MAD1L1: variants seen among roughly 807,000 people sequenced by gnomAD.
The protein encoded by MAD1L1 is mitotic arrest deficient 1 like 1.
MAD1L1 carries 95 observed loss-of-function variants against 96.9 expected under a neutral mutation model. That is an observed-to-expected ratio of 0.98 (90% CI 0.83 to 1.16). MAD1L1 has a LOEUF of 1.16. MAD1L1 is among the 50% of genes most tolerant of loss of function. The probability of loss-of-function intolerance (pLI) is 0.00; values close to 1 mark genes in which losing one functional copy is unlikely to be tolerated. For missense variants in MAD1L1, 1,007 were observed against 954.4 expected, an observed-to-expected ratio of 1.06 and a Z score of -0.73; for synonymous variants, 473 against 396.6, an observed-to-expected ratio of 1.19 and a Z score of -2.29.
chr7:2,194,879 T>C (rs1584519030), intron 10 of MAD1L1, among the ~76,000 whole-genome samples: 2 of 152,096 alleles, frequency 1.3e-5, no homozygotes, highest in South Asian at 2.1e-4. Flanking sequence ...TTCAAGACCA[T>C]CCTGGCCAAC....
chr7:2,157,166 A>C (rs1213461079), intron 10 of MAD1L1, among the ~76,000 whole-genome samples: 1 of 152,190 alleles, frequency 6.6e-6, no homozygotes, highest in African/African-American at 2.4e-5. Context: ...TTTGATATAT[A>C]CTGGAACGTC....
chr7:2,201,668 A>G (rs1398503594), intron 10 of MAD1L1, among the ~76,000 whole-genome samples: 3 of 152,320 alleles, frequency 2.0e-5, no homozygotes, highest in African/African-American at 7.2e-5. Flanking sequence ...CTCCGAGACC[A>G]AGTGATAGCG....
intron 18 of MAD1L1, among the ~76,000 whole-genome samples, chr7:1,820,398 G>C (rs190005839): frequency 2.1e-4 from 32 of 152,276 alleles, no homozygotes; most frequent in African/African-American, 7.7e-4. Flanking sequence ...CCCGAAGCAG[G>C]AGGAGGAAAT....
rs548262983 is a variant in MAD1L1 at position 2,125,959 on chromosome 7, G to A, written c.1073+23193C>T. Among the ~76,000 whole-genome samples, 12 of 152,360 alleles carry A rather than the reference G, an allele frequency of 7.9e-5. No individual in the cohort carries two copies. The East Asian group carries it at 1.7e-3, about 22-fold the overall frequency. ...CCCTGGGCCTCCTCACGTTTACAGC[G>A]CCACAGGTGAGAAAGTGAGTGGGGC... On this transcript the variant is annotated intron_variant, in intron 11 of 18. Coordinates refer to ENST00000265854, the MANE Select transcript of MAD1L1 (RefSeq NM_001013836.2).
intron 3 of MAD1L1, among the ~76,000 whole-genome samples, chr7:2,226,758 G>A (rs965031919): frequency 9.2e-5 from 14 of 152,328 alleles, no homozygotes; most frequent in African/African-American, 3.4e-4. Flanking sequence ...GAGAGGCCAA[G>A]GCGGGTGGAT....
intron 14 of MAD1L1, among the ~76,000 whole-genome samples, chr7:1,985,849 G>A (rs548879804): frequency 3.0e-4 from 46 of 151,878 alleles, no homozygotes; most frequent in African/African-American, 7.0e-4. Flanking sequence ...TGCAACCCCC[G>A]GCCTCACCGT....
intron 11 of MAD1L1, among the ~76,000 whole-genome samples, chr7:2,116,573 G>GA (rs1787709962): frequency 1.3e-5 from 2 of 150,968 alleles, no homozygotes; most frequent in Non-Finnish European, 3.0e-5. Flanking sequence ...GGGTTGGGGG[G>GA]GGGGGGGGCT....
At chr7:1,907,932 C>A (rs1369153431) in intron 17 of MAD1L1, among the ~76,000 whole-genome samples, 1 of 152,190 alleles carries the variant, frequency 6.6e-6, no homozygotes, top group African/African-American at 2.4e-5. Flanking sequence ...AGGGTGACCG[C>A]CCTGGCCCCT....
At chr7:2,113,799 T>C (rs998060035) in intron 11 of MAD1L1, among the ~76,000 whole-genome samples, 1 of 152,116 alleles carries the variant, frequency 6.6e-6, no homozygotes, top group African/African-American at 2.4e-5. Context: ...TGTCCAAAAA[T>C]GCATAGCTTC....
chr7:1,856,750 C>T (rs1320383350), intron 18 of MAD1L1, among the ~76,000 whole-genome samples: 3 of 152,188 alleles, frequency 2.0e-5, no homozygotes, highest in Admixed American at 2.0e-4. Flanking sequence ...AGGGCCCACG[C>T]GCACCCCGCG....
At chr7:2,116,611 T>G (rs1335404014) in intron 11 of MAD1L1, among the ~76,000 whole-genome samples, 571 of 89,432 alleles carry the variant, frequency 6.4e-3, no homozygotes, top group Middle Eastern at 0.018. Context: ...CTGCAGGAGG[T>G]GGCGGTCAGC....
rs566827002 is a variant in MAD1L1 at position 2,078,403 on chromosome 7, C to A, written c.1074-9065G>T. On this transcript the variant is annotated intron_variant, in intron 11 of 18. Coordinates refer to ENST00000265854, the MANE Select transcript of MAD1L1 (RefSeq NM_001013836.2). The stretch of plus-strand genomic sequence containing the variant: ...GGAGGACTGGATCAGACGCGTGCGT[C>A]CGTCGTGAAGCACGAGAGCATCAAG... Among the ~76,000 whole-genome samples the A allele has an allele frequency of 2.7e-3, 406 of 152,324 alleles. 2 individuals carry two copies. The highest frequency in any genetic ancestry group is 9.1e-3 in the African/African-American group (378 of 41,574).
At chr7:1,988,229 C>A (rs1781250191) in intron 14 of MAD1L1, among the ~76,000 whole-genome samples, 1 of 152,182 alleles carries the variant, frequency 6.6e-6, no homozygotes, top group African/African-American at 2.4e-5. Context: ...AGGGCCCATT[C>A]ATTATTCATC....
intron 11 of MAD1L1, among the ~76,000 whole-genome samples, chr7:2,143,604 C>T (rs1041456931): frequency 6.6e-6 from 1 of 151,876 alleles, no homozygotes; most frequent in Non-Finnish European, 1.5e-5. Context: ...TGACAAGGGC[C>T]TGACTCCTCC....
chr7:1,848,081 A>C, intron 18 of MAD1L1: 2 of 287,982 alleles, frequency 6.9e-6, no homozygotes, highest in Non-Finnish European at 6.8e-6. Context: ...GTGTGCAGAG[A>C]CGATGATGGA....
intron 18 of MAD1L1, among the ~76,000 whole-genome samples, chr7:1,869,058 C>T (rs896029525): frequency 2.0e-5 from 3 of 152,182 alleles, no homozygotes; most frequent in Admixed American, 6.5e-5. Flanking sequence ...ATGGCACCGA[C>T]GCAACTGGTC....
At chr7:1,951,524 C>T (rs1779495481) in intron 16 of MAD1L1, among the ~76,000 whole-genome samples, 1 of 152,254 alleles carries the variant, frequency 6.6e-6, no homozygotes, top group East Asian at 1.9e-4. Context: ...GCCACCACCA[C>T]AGCCCATTCC....
intron 12 of MAD1L1, among the ~76,000 whole-genome samples, chr7:2,043,277 C>T (rs1378688037): frequency 2.0e-5 from 3 of 152,284 alleles, no homozygotes; most frequent in Non-Finnish European, 4.4e-5. Context: ...CATAGCACTG[C>T]GCTCCCCTCC....
At chr7:2,167,326 T>C (rs1202837427) in intron 10 of MAD1L1, among the ~76,000 whole-genome samples, 4 of 151,978 alleles carry the variant, frequency 2.6e-5, no homozygotes, top group Non-Finnish European at 5.9e-5. Flanking sequence ...GGCGGGCGGA[T>C]CACGAGCTCA....
Sources: allele counts gnomAD v4.1 joint callset (sites outside exome capture counted in the v4.1 genomes callset), GRCh38; gene constraint gnomAD v4.1.1; transcripts MANE v1.5; gene names NCBI Gene and HGNC (gene_info 2026-07-23, HGNC 2026-07-21).